ASXL3: variants seen among roughly 807,000 people sequenced by gnomAD.
ASXL3 encodes the protein putative Polycomb group protein ASXL3.
ASXL3 carries 34 observed loss-of-function variants against 170.6 expected under a neutral mutation model. The observed-to-expected ratio is 0.20, with a 90% CI of 0.15 to 0.27. The LOEUF (loss-of-function observed/expected upper bound fraction) is 0.27. ASXL3 is among the 10% of genes least tolerant of loss of function. ASXL3 has a pLI of 1.00. For missense variants in ASXL3, 2,592 were observed against 2,695.3 expected (o/e 0.96, Z 0.85); for synonymous variants, 1,002 against 989.1 (o/e 1.01, Z -0.24).
intron 2 of ASXL3, among the ~76,000 whole-genome samples, chr18:33,643,840 T>A (rs1393740439): frequency 6.6e-6 from 1 of 151,890 alleles, no homozygotes; most frequent in East Asian, 1.9e-4. Flanking sequence ...TGTCTCAGAA[T>A]GTGAATTAAA....
chr18:33,614,405 C>T (rs150085380), intron 2 of ASXL3: 40 of 152,238 alleles, frequency 2.6e-4, no homozygotes, highest in Non-Finnish European at 4.4e-4. Context: ...GGTTCCACTT[C>T]GAATTCTAGT....
rs565018796 is a variant in ASXL3 at position 33,589,489 on chromosome 18, A to G, written c.54+10804A>G. On this transcript the variant is annotated intron_variant, in intron 1 of 11. Transcript: ENST00000269197. ...CTAAGTACTGTAGGAAATAGACGGC[A>G]TTACCTTGAAGGGGTGATTGAAGAA... 6.3e-4 allele frequency among the ~76,000 whole-genome samples: 96 copies of G among 152,304 alleles called. 1 individual carries two copies. The highest frequency in any genetic ancestry group is 2.2e-3 in the African/African-American group (92 of 41,574).
chr18:33,606,721 T>G (rs1450686699), intron 1 of ASXL3, among the ~76,000 whole-genome samples: 1 of 151,820 alleles, frequency 6.6e-6, no homozygotes, highest in Non-Finnish European at 1.5e-5. Context: ...ACCCTTGGAG[T>G]AGGTCATTGT....
intron 2 of ASXL3, among the ~76,000 whole-genome samples, chr18:33,623,214 G>A (rs1388238787): frequency 1.3e-5 from 2 of 152,012 alleles, no homozygotes; most frequent in East Asian, 1.9e-4. Flanking sequence ...TCATTTTAAC[G>A]TAATATGTGT....
At chr18:33,591,619 C>T (rs571076650) in intron 1 of ASXL3, among the ~76,000 whole-genome samples, 7 of 150,552 alleles carry the variant, frequency 4.6e-5, no homozygotes, top group African/African-American at 9.8e-5. Flanking sequence ...CATTTCCTTT[C>T]GATCTTCTAA....
chr18:33,704,410 A>G (rs910491425), intron 8 of ASXL3, among the ~76,000 whole-genome samples: 1 of 152,110 alleles, frequency 6.6e-6, no homozygotes, highest in African/African-American at 2.4e-5. Context: ...TGTGTCCTCA[A>G]AGAAGACCAT....
At chr18:33,726,054 A>T (rs1439327433) in intron 8 of ASXL3, among the ~76,000 whole-genome samples, 1 of 152,206 alleles carries the variant, frequency 6.6e-6, no homozygotes, top group Non-Finnish European at 1.5e-5. Flanking sequence ...CATATGGAAG[A>T]CATCTACTGG....
chr18:33,730,198 G>A (rs2145393172), intron 8 of ASXL3, among the ~76,000 whole-genome samples: 1 of 152,112 alleles, frequency 6.6e-6, no homozygotes, highest in Middle Eastern at 3.4e-3. Context: ...GTAGAGTTCA[G>A]GGATGGTGCC....
intron 2 of ASXL3, among the ~76,000 whole-genome samples, chr18:33,636,507 G>A (rs1477762195): frequency 6.6e-6 from 1 of 152,142 alleles, no homozygotes; most frequent in Non-Finnish European, 1.5e-5. Flanking sequence ...AGACCAGTTA[G>A]AGATTATAGA....
intron 5 of ASXL3, among the ~76,000 whole-genome samples, chr18:33,667,692 A>C (rs1224287968): frequency 2.0e-5 from 3 of 152,040 alleles, no homozygotes; most frequent in Admixed American, 6.6e-5. Context: ...TCCCACTCTA[A>C]ATTGGTTCTC....
chr18:33,687,636 C>T (rs925979230), intron 8 of ASXL3, among the ~76,000 whole-genome samples: 10 of 152,160 alleles, frequency 6.6e-5, no homozygotes, highest in Non-Finnish European at 1.2e-4. Flanking sequence ...TTTATCTTGA[C>T]AATGCCAGCT....
intron 8 of ASXL3, among the ~76,000 whole-genome samples, chr18:33,703,716 G>A (rs1010089295): frequency 6.6e-6 from 1 of 151,956 alleles, no homozygotes; most frequent in Non-Finnish European, 1.5e-5. Flanking sequence ...CTGGAGAGGA[G>A]CTTCCCTCAC....
Position 33,749,869 on chromosome 18 carries a change from C to G in ASXL3, c.*3274C>G, listed in dbSNP as rs1490630063. 1.3e-5 allele frequency: 2 copies of G among 152,204 alleles called. No individual in the cohort carries two copies. The highest frequency in any genetic ancestry group is 6.5e-5 in the Admixed American group (1 of 15,288). 9.4% of individuals were successfully genotyped at this position (152,204 alleles called of 1,614,324 possible). On this transcript the variant is annotated 3_prime_UTR_variant, in exon 12 of 12. Coordinates refer to ENST00000269197, the MANE Select transcript of ASXL3 (RefSeq NM_030632.3). The stretch of plus-strand genomic sequence containing the variant: ...GGATATTCTTACTCGGTTCAAAATA[C>G]ACAAAAACAAGCTGGTACATATGGT...
intron 7 of ASXL3, among the ~76,000 whole-genome samples, chr18:33,678,106 T>G (rs528046083): frequency 1.3e-5 from 2 of 150,686 alleles, no homozygotes; most frequent in South Asian, 4.3e-4. Context: ...ATTTATTTAT[T>G]TATTTTGGAT....
chr18:33,719,288 A>ACATCT (rs1209569927), intron 8 of ASXL3, among the ~76,000 whole-genome samples: 1 of 151,412 alleles, frequency 6.6e-6, no homozygotes, highest in Non-Finnish European at 1.5e-5. Flanking sequence ...TCCTTCACAT[A>ACATCT]CATCTCTGCT....
At chr18:33,734,488 C>T in intron 10 of ASXL3, 73 bp downstream of exon 10, 1 of 882,026 alleles carries the variant, frequency 1.1e-6, no homozygotes, top group Non-Finnish European at 1.7e-6. Context: ...TCACATAGCA[C>T]ACTCATATGC....
chr18:33,732,775 G>T (rs1204509757), intron 9 of ASXL3, among the ~76,000 whole-genome samples: 2 of 151,390 alleles, frequency 1.3e-5, no homozygotes, highest in African/African-American at 4.9e-5. Context: ...TGGATCACCG[G>T]GGCTCAGGAG....
At chr18:33,696,511 A>G (rs1249923885) in intron 8 of ASXL3, among the ~76,000 whole-genome samples, 3 of 152,090 alleles carry the variant, frequency 2.0e-5, no homozygotes, top group Non-Finnish European at 4.4e-5. Flanking sequence ...TGCAGGAGAT[A>G]ATGAAAGTGA....
rs916210382 is a variant in ASXL3 at position 33,638,178 on chromosome 18, T to G, written c.138-6716T>G. ...CGCACATAGTGTGTGTATATATATATCTTATGTGTATATATATCTTATTTA... is the reference window on the plus strand; with the variant it reads ...CGCACATAGTGTGTGTATATATATAGCTTATGTGTATATATATCTTATTTA... On this transcript the variant is annotated intron_variant, in intron 2 of 11. Coordinates refer to ENST00000269197, the MANE Select transcript of ASXL3 (RefSeq NM_030632.3). 8.8e-5 allele frequency among the ~76,000 whole-genome samples: 13 copies of G among 148,542 alleles called. No individual in the cohort carries two copies. In the East Asian group the frequency reaches 2.3e-3, roughly 27 times the overall value.
Sources: allele counts gnomAD v4.1 joint callset (sites outside exome capture counted in the v4.1 genomes callset), GRCh38; gene constraint gnomAD v4.1.1; transcripts MANE v1.5; gene names NCBI Gene and HGNC (gene_info 2026-07-23, HGNC 2026-07-21).